CADPS2: variants seen among roughly 807,000 people sequenced by gnomAD.
CADPS2 encodes calcium dependent secretion activator 2, also known as calcium-dependent secretion activator 2.
CADPS2 carries 93 observed loss-of-function variants against 172.5 expected under a neutral mutation model. The ratio of observed to expected loss-of-function variants is 0.54; its 90% CI spans 0.46 to 0.64. The LOEUF is 0.64. Ranked by LOEUF, CADPS2 falls within the 30% of genes least tolerant of loss-of-function variation. CADPS2 has a pLI of 0.00. For missense variants in CADPS2, 1,420 were observed against 1,565.9 expected (o/e 0.91, Z 1.57); for synonymous variants, 546 against 555.2 (o/e 0.98, Z 0.23).
chr7:122,377,859 G>A (rs534885329), intron 25 of CADPS2, among the ~76,000 whole-genome samples: 2 of 152,218 alleles, frequency 1.3e-5, no homozygotes, highest in Admixed American at 1.3e-4. Context: ...GTGAGGTGGT[G>A]TGATTCTAAC....
chr7:122,690,378 C>T (rs1311852907), intron 2 of CADPS2, among the ~76,000 whole-genome samples: 3 of 152,150 alleles, frequency 2.0e-5, no homozygotes, highest in African/African-American at 7.2e-5. Context: ...CATATGTTCC[C>T]GGAGGAGGGT....
chr7:122,797,517 T>C (rs1796637207), intron 1 of CADPS2, among the ~76,000 whole-genome samples: 1 of 152,052 alleles, frequency 6.6e-6, no homozygotes, highest in South Asian at 2.1e-4. Context: ...GTATGCACCA[T>C]AAAAAAGAAC....
intron 9 of CADPS2, among the ~76,000 whole-genome samples, chr7:122,505,168 AC>A (rs2059519528): frequency 6.6e-6 from 1 of 152,138 alleles, no homozygotes; most frequent in African/African-American, 2.4e-5. Flanking sequence ...GATGTGTGTA[AC>A]CCACCCAAAA....
chr7:122,441,805 T>C (rs1296106908), intron 15 of CADPS2, among the ~76,000 whole-genome samples: 1 of 152,210 alleles, frequency 6.6e-6, no homozygotes, highest in East Asian at 1.9e-4. Flanking sequence ...TTTTAAACGT[T>C]TTGATGATAC....
At chr7:122,699,392 G>A (rs1444868713) in intron 2 of CADPS2, among the ~76,000 whole-genome samples, 1 of 152,048 alleles carries the variant, frequency 6.6e-6, no homozygotes, top group Non-Finnish European at 1.5e-5. Flanking sequence ...ATGTAAGAAT[G>A]TTTTATTTTC....
intron 1 of CADPS2, among the ~76,000 whole-genome samples, chr7:122,813,400 T>C (rs747546849): frequency 1.3e-5 from 2 of 152,158 alleles, no homozygotes; most frequent in Non-Finnish European, 2.9e-5. Context: ...TAATTTGTAA[T>C]AATTACATTT....
At chr7:122,728,505 C>G (rs562912271) in intron 2 of CADPS2, among the ~76,000 whole-genome samples, 10 of 151,682 alleles carry the variant, frequency 6.6e-5, no homozygotes, top group African/African-American at 2.4e-4. Flanking sequence ...CCTTGGTATT[C>G]TAGACTAGGA....
chr7:122,448,776 A>C (rs1345771131), intron 15 of CADPS2, among the ~76,000 whole-genome samples: 4 of 152,134 alleles, frequency 2.6e-5, no homozygotes, highest in Non-Finnish European at 4.4e-5. Flanking sequence ...AGATATAAAA[A>C]ATACTTTGCT....
intron 3 of CADPS2, among the ~76,000 whole-genome samples, chr7:122,635,486 G>A (rs2076984639): frequency 6.8e-6 from 1 of 147,686 alleles, no homozygotes. Context: ...GTGTCCACGT[G>A]TTCTCATTGT....
At chr7:122,873,793 T>C (rs1174863053) in intron 1 of CADPS2, among the ~76,000 whole-genome samples, 1 of 152,208 alleles carries the variant, frequency 6.6e-6, no homozygotes, top group African/African-American at 2.4e-5. Context: ...ACCAACAGTA[T>C]AAAAGCATTC....
chr7:122,743,531 G>A (rs974346287), intron 1 of CADPS2, among the ~76,000 whole-genome samples: 1 of 152,148 alleles, frequency 6.6e-6, no homozygotes, highest in Non-Finnish European at 1.5e-5. Flanking sequence ...GCAAGTAAAG[G>A]TGGTCACAGT....
chr7:122,601,833 A>G (rs1490805058), intron 6 of CADPS2, among the ~76,000 whole-genome samples: 2 of 152,026 alleles, frequency 1.3e-5, no homozygotes, highest in African/African-American at 2.4e-5. Flanking sequence ...AGAAGGAGAA[A>G]CTACTGTGGA....
rs763724204 is a variant in CADPS2, at chr7:122,474,467, G to C, written c.1912C>G (p.Pro638Ala). Reference sequence around the variant, plus strand: ...AGGAAGGCATGATCAAGCTTGCAGGGGTTTGCAGAAATAAACTCATCCATA... The same window carrying C: ...AGGAAGGCATGATCAAGCTTGCAGGCGTTTGCAGAAATAAACTCATCCATA... The part of the protein sequence containing the change: ...HGMDEFISAN[P>A]CKLDHAFLFR... Residue 638 changes from proline (P) to alanine (A), a missense_variant, in exon 13 of 30, where the codon CCC (proline) becomes GCC (alanine). Transcript: ENST00000449022. 1.9e-6 allele frequency: 3 copies of C among 1,613,220 alleles called. No homozygotes were observed. Among genetic ancestry groups the C allele is most frequent in the East Asian group, 4.5e-5 (2 of 44,754 alleles).
chr7:122,655,348 A>G (rs2079620301), intron 3 of CADPS2, among the ~76,000 whole-genome samples: 2 of 152,168 alleles, frequency 1.3e-5, no homozygotes, highest in African/African-American at 4.8e-5. Flanking sequence ...GTGAATCGCT[A>G]TGCAAATTTC....
chr7:122,406,397 T>TA (rs1334258259), intron 20 of CADPS2, among the ~76,000 whole-genome samples: 1 of 152,146 alleles, frequency 6.6e-6, no homozygotes, highest in Non-Finnish European at 1.5e-5. Flanking sequence ...TAAAGTATAA[T>TA]AAAAAAAGTT....
At chr7:122,790,271 C>T (rs942402280) in intron 1 of CADPS2, among the ~76,000 whole-genome samples, 8 of 151,324 alleles carry the variant, frequency 5.3e-5, no homozygotes, top group Non-Finnish European at 7.4e-5. Context: ...CAGTGATGTG[C>T]GCTTGTATTC....
At chr7:122,569,501 T>A (rs1302533248) in intron 7 of CADPS2, among the ~76,000 whole-genome samples, 1 of 149,704 alleles carries the variant, frequency 6.7e-6, no homozygotes, top group Non-Finnish European at 1.5e-5. Flanking sequence ...AAGCTACCAA[T>A]GACTTTCTTC....
chr7:122,469,513 C>A (rs1271516070), intron 14 of CADPS2, among the ~76,000 whole-genome samples: 1 of 152,096 alleles, frequency 6.6e-6, no homozygotes, highest in Non-Finnish European at 1.5e-5. Context: ...CCTGTACCCC[C>A]CCATTTTCTA....
chr7:122,536,030 T>C (rs1046711657), intron 8 of CADPS2, among the ~76,000 whole-genome samples: 2 of 152,124 alleles, frequency 1.3e-5, no homozygotes, highest in African/African-American at 4.8e-5. Flanking sequence ...ACCTGTAGCA[T>C]GACAAGGCAT....
Sources: gnomAD v4.1 joint callset for allele counts (sites outside exome capture counted in the v4.1 genomes callset) on GRCh38, gnomAD v4.1.1 for gene constraint, MANE v1.5 for transcripts, NCBI Gene and HGNC (gene_info 2026-07-23, HGNC 2026-07-21) for gene names.